CNOT6: variants seen among roughly 807,000 people sequenced by gnomAD.
The protein encoded by CNOT6 is CCR4-NOT transcription complex subunit 6, also known as carbon catabolite repression 4 protein.
CNOT6 carries 12 observed loss-of-function variants against 61.2 expected under a neutral mutation model. The observed-to-expected ratio is 0.20, with a 90% confidence interval of 0.13 to 0.32. The LOEUF (loss-of-function observed/expected upper bound fraction) is 0.32, where lower values mean the gene tolerates loss of function less well. CNOT6 is among the 10% of genes least tolerant of loss of function. The pLI is 1.00. For missense variants in CNOT6, 405 were observed against 663.9 expected (o/e 0.61, Z 4.28); for synonymous variants, 225 against 240.6 (o/e 0.94, Z 0.60).
chr5:180,502,891 A>C (rs1197152841), intron 1 of CNOT6, among the ~76,000 whole-genome samples: 1 of 152,256 alleles, frequency 6.6e-6, no homozygotes, highest in Non-Finnish European at 1.5e-5. Flanking sequence ...ACACTTCAGC[A>C]TCATAAAACA....
intron 4 of CNOT6, among the ~76,000 whole-genome samples, chr5:180,554,785 TATC>T (rs1385331575): frequency 3.3e-5 from 5 of 152,194 alleles, no homozygotes; most frequent in African/African-American, 1.2e-4. Flanking sequence ...GTGAATACTT[TATC>T]ATTTTTGTGT....
Position 180,494,452 on chromosome 5 carries a change from C to CGGCGTCGGT in CNOT6, c.-309_-301dup, listed in dbSNP as rs1420741150. 1 of 155,014 alleles carries CGGCGTCGGT rather than the reference C, an allele frequency of 6.5e-6. No homozygotes were observed. Among genetic ancestry groups the CGGCGTCGGT allele is most frequent in the Non-Finnish European group, 1.4e-5 (1 of 70,384 alleles). 9.6% of individuals were successfully genotyped at this position (155,014 alleles called of 1,614,324 possible). ...GAGGGGGGCGCGGAGGAGGAGGCGGCGGCGTCGGTGGCGGCGGCGACGGCG... is the reference window on the plus strand; with the variant it reads ...GAGGGGGGCGCGGAGGAGGAGGCGGCGGCGTCGGTGGCGTCGGTGGCGGCGGCGACGGCG... On this transcript the variant is annotated 5_prime_UTR_variant, in exon 1 of 12. Coordinates refer to ENST00000261951, the MANE Select transcript of CNOT6 (RefSeq NM_001370472.1).
chr5:180,511,914 T>G (rs940228878), intron 1 of CNOT6, among the ~76,000 whole-genome samples: 1 of 152,264 alleles, frequency 6.6e-6, no homozygotes, highest in Admixed American at 6.5e-5. Context: ...ATGCCACTGC[T>G]CCTGGCTCCA....
intron 2 of CNOT6, among the ~76,000 whole-genome samples, chr5:180,533,304 A>C (rs1343617167): frequency 8.6e-6 from 1 of 116,540 alleles, no homozygotes; most frequent in Non-Finnish European, 1.8e-5. Flanking sequence ...GGAACCATGG[A>C]TGAAAACCTA....
chr5:180,506,416 C>T (rs1757134246), intron 1 of CNOT6, among the ~76,000 whole-genome samples: 1 of 152,168 alleles, frequency 6.6e-6, no homozygotes, highest in Non-Finnish European at 1.5e-5. Flanking sequence ...ATAATAGTGT[C>T]TGCTCACAAG....
chr5:180,541,293 C>T (rs1383261231), intron 2 of CNOT6, among the ~76,000 whole-genome samples: 1 of 151,190 alleles, frequency 6.6e-6, no homozygotes, highest in Non-Finnish European at 1.5e-5. Context: ...TGCGCACCAC[C>T]ACATCTGGCT....
At chr5:180,533,771 A>G (rs1758524633) in intron 2 of CNOT6, among the ~76,000 whole-genome samples, 1 of 152,306 alleles carries the variant, frequency 6.6e-6, no homozygotes, top group South Asian at 2.1e-4. Context: ...AGGTATAAGT[A>G]CAGTTTTCTT....
chr5:180,526,421 C>T (rs184996483), intron 1 of CNOT6, among the ~76,000 whole-genome samples: 22 of 152,202 alleles, frequency 1.4e-4, no homozygotes, highest in African/African-American at 4.8e-4. Flanking sequence ...AAATGGCTTA[C>T]GTGCTAAGGG....
intron 3 of CNOT6, among the ~76,000 whole-genome samples, chr5:180,553,148 C>T (rs534231454): frequency 2.6e-5 from 4 of 151,646 alleles, no homozygotes; most frequent in Admixed American, 6.6e-5. Context: ...AAAATTGGGT[C>T]TTACATTTTG....
At chr5:180,514,370 C>T (rs143891454) in intron 1 of CNOT6, among the ~76,000 whole-genome samples, 6 of 152,248 alleles carry the variant, frequency 3.9e-5, no homozygotes, top group African/African-American at 9.6e-5. Context: ...TGCGGTGAGC[C>T]GAGATAGCGC....
At chr5:180,518,182 T>C (rs1410362270) in intron 1 of CNOT6, among the ~76,000 whole-genome samples, 1 of 152,242 alleles carries the variant, frequency 6.6e-6, no homozygotes, top group African/African-American at 2.4e-5. Flanking sequence ...ATTATGATTC[T>C]TACTGCTCAA....
At chr5:180,544,013 G>C (rs1049925719) in intron 2 of CNOT6, among the ~76,000 whole-genome samples, 6 of 152,014 alleles carry the variant, frequency 3.9e-5, no homozygotes, top group African/African-American at 1.2e-4. Context: ...GGGTTTCACT[G>C]TGTTAGCCAG....
chr5:180,573,035 T>C (rs1356781704), intron 11 of CNOT6, among the ~76,000 whole-genome samples: 1 of 152,200 alleles, frequency 6.6e-6, no homozygotes, highest in African/African-American at 2.4e-5. Flanking sequence ...AGTAAACCCC[T>C]GTTTATCCTC....
At chr5:180,554,021 A>G (rs1342005062) in intron 4 of CNOT6, among the ~76,000 whole-genome samples, 1 of 152,242 alleles carries the variant, frequency 6.6e-6, no homozygotes, top group African/African-American at 2.4e-5. Context: ...ATGCCTATAA[A>G]TTTTTTATCA....
intron 1 of CNOT6, among the ~76,000 whole-genome samples, chr5:180,521,471 A>G (rs1757875834): frequency 6.6e-6 from 1 of 152,330 alleles, no homozygotes; most frequent in African/African-American, 2.4e-5. Context: ...CAATATACAT[A>G]TCTTTTGGGG....
chr5:180,542,236 G>A (rs1428977067), intron 2 of CNOT6, among the ~76,000 whole-genome samples: 3 of 150,984 alleles, frequency 2.0e-5, no homozygotes, highest in East Asian at 2.0e-4. Context: ...TGCTGAGCTC[G>A]TCGGCTCTGG....
intron 6 of CNOT6, among the ~76,000 whole-genome samples, chr5:180,564,974 C>T (rs1302656327): frequency 6.6e-6 from 1 of 152,206 alleles, no homozygotes; most frequent in Admixed American, 6.5e-5. Flanking sequence ...AGTTTATCCC[C>T]CAGAGGACAT....
At chr5:180,536,367 G>A (rs1438945042) in intron 2 of CNOT6, among the ~76,000 whole-genome samples, 1 of 151,974 alleles carries the variant, frequency 6.6e-6, no homozygotes, top group Non-Finnish European at 1.5e-5. Flanking sequence ...TGTCAGATGT[G>A]TAGTTGCCAA....
chr5:180,550,632 A>G (rs1039754972), intron 3 of CNOT6, among the ~76,000 whole-genome samples: 2 of 152,138 alleles, frequency 1.3e-5, no homozygotes, highest in Non-Finnish European at 2.9e-5. Flanking sequence ...TAATTACTGT[A>G]TTTTGTGTAA....
Sources: allele counts gnomAD v4.1 joint callset (sites outside exome capture counted in the v4.1 genomes callset), GRCh38; gene constraint gnomAD v4.1.1; transcripts MANE v1.5; gene names NCBI Gene and HGNC (gene_info 2026-07-23, HGNC 2026-07-21).